Variants in ANO3 observed in about 807,000 individuals in gnomAD.
ANO3 encodes the protein anoctamin-3.
In ANO3, 99 loss-of-function variants were observed where a neutral mutation model predicts 144.8. That is an observed-to-expected ratio of 0.68 (90% confidence interval 0.58 to 0.81). The LOEUF is 0.81. Among genes scored for constraint, ANO3 ranks in the 30% least tolerant of loss-of-function variants. The pLI is 0.00. For missense variants in ANO3, 905 were observed against 1,202.2 expected (o/e 0.75, Z 3.66); for synonymous variants, 414 against 392.6 (o/e 1.05, Z -0.64).
intron 1 of ANO3, among the ~76,000 whole-genome samples, chr11:26,235,443 C>G (rs906314366): frequency 6.6e-6 from 1 of 152,070 alleles, no homozygotes; most frequent in Non-Finnish European, 1.5e-5. Flanking sequence ...AAGATTAAAT[C>G]CAACCTAATG....
At chr11:26,393,358 G>A (rs559886251) in intron 1 of ANO3, among the ~76,000 whole-genome samples, 34 of 152,084 alleles carry the variant, frequency 2.2e-4, no homozygotes, top group Non-Finnish European at 5.0e-4. Context: ...TTGCCATTTT[G>A]TTCTCAAAGA....
Position 26,299,382 on chromosome 11 carries a change from A to T in ANO3, c.155-10263A>T, listed in dbSNP as rs148428536. Among the ~76,000 whole-genome samples, 842 of 152,350 alleles carry T rather than the reference A, an allele frequency of 5.5e-3. 27 individuals are homozygous for T. The highest frequency in any genetic ancestry group is 0.052 in the Admixed American group (801 of 15,298). On this transcript the variant is annotated intron_variant, in intron 1 of 27. Coordinates refer to the ANO3 transcript ENST00000672621. ...CTTTGACAGTCTTAGTGAAGTGATA[A>T]GAGGAAAATAAATAAATACTGTAGA...
chr11:26,424,119 T>C (rs1487189605), intron 1 of ANO3, among the ~76,000 whole-genome samples: 6 of 151,976 alleles, frequency 3.9e-5, no homozygotes, highest in African/African-American at 1.2e-4. Flanking sequence ...CCAACTCGGA[T>C]TGCAGCAATA....
chr11:26,601,819 G>C (rs1851807360), intron 17 of ANO3, among the ~76,000 whole-genome samples: 1 of 152,162 alleles, frequency 6.6e-6, no homozygotes, highest in Non-Finnish European at 1.5e-5. Context: ...CGATTTCTAG[G>C]TCACAGAAGC....
At chr11:26,638,522 G>A (rs1170063086) in intron 20 of ANO3, among the ~76,000 whole-genome samples, 1 of 152,228 alleles carries the variant, frequency 6.6e-6, no homozygotes, top group Non-Finnish European at 1.5e-5. Flanking sequence ...GAGATAGGAA[G>A]AATAAATACC....
chr11:26,638,515 A>G (rs950724296), intron 20 of ANO3, among the ~76,000 whole-genome samples: 1 of 152,230 alleles, frequency 6.6e-6, no homozygotes, highest in African/African-American at 2.4e-5. Context: ...GACTGGGGAG[A>G]TAGGAAGAAT....
intron 1 of ANO3, among the ~76,000 whole-genome samples, chr11:26,252,508 T>G (rs1260343695): frequency 1.3e-5 from 2 of 152,188 alleles, no homozygotes; most frequent in Non-Finnish European, 2.9e-5. Context: ...TTCTCTGGAA[T>G]GCTATTTTCA....
intron 17 of ANO3, among the ~76,000 whole-genome samples, chr11:26,620,834 T>C (rs72879841): frequency 0.086 from 13,102 of 152,230 alleles, 858 homozygotes; most frequent in Admixed American, 0.2. Context: ...TATTATGGAA[T>C]AGGGTGGATC....
chr11:26,294,181 G>A (rs1052063646), intron 1 of ANO3, among the ~76,000 whole-genome samples: 1 of 152,042 alleles, frequency 6.6e-6, no homozygotes, highest in African/African-American at 2.4e-5. Flanking sequence ...TTTTCTTGAG[G>A]GTCAGAAACT....
At chr11:26,372,979 T>C (rs1349088518) in intron 1 of ANO3, among the ~76,000 whole-genome samples, 2 of 152,166 alleles carry the variant, frequency 1.3e-5, no homozygotes, top group Non-Finnish European at 2.9e-5. Context: ...AACATAAAAT[T>C]GATAATAAAC....
intron 26 of ANO3, among the ~76,000 whole-genome samples, chr11:26,659,186 A>ACTTT (rs1450400595): frequency 6.6e-6 from 1 of 151,504 alleles, no homozygotes; most frequent in Non-Finnish European, 1.5e-5. Flanking sequence ...TTCATTTAAT[A>ACTTT]CTTATGCCAA....
Position 26,236,113 on chromosome 11 carries a change from T to G in ANO3, c.154+46783T>G, listed in dbSNP as rs143731036. 1.4e-3 allele frequency among the ~76,000 whole-genome samples: 220 copies of G among 152,324 alleles called. 2 individuals carry two copies. In the Middle Eastern group the frequency reaches 0.031, roughly 21 times the overall value. On this transcript the variant is annotated intron_variant, in intron 1 of 27. Transcript: ENST00000672621. The stretch of plus-strand genomic sequence containing the variant: ...ATTCTGTTTTTACAGGTCCACATTA[T>G]CCCATTCTAAATGTGCATCATAGTT...
chr11:26,531,807 T>C (rs539571062), intron 8 of ANO3, among the ~76,000 whole-genome samples: 26 of 152,212 alleles, frequency 1.7e-4, no homozygotes, highest in Non-Finnish European at 3.1e-4. Flanking sequence ...TTTAAAGAGA[T>C]TTGTTTCATT....
chr11:26,555,690 A>T (rs1352605085), intron 13 of ANO3, among the ~76,000 whole-genome samples: 2 of 152,190 alleles, frequency 1.3e-5, no homozygotes, highest in Non-Finnish European at 2.9e-5. Flanking sequence ...ACTAAGATAA[A>T]ATGTAGCTAC....
At chr11:26,225,389 GA>G (rs1161630160) in intron 1 of ANO3, among the ~76,000 whole-genome samples, 1 of 152,066 alleles carries the variant, frequency 6.6e-6, no homozygotes, top group East Asian at 1.9e-4. Flanking sequence ...TTAGAAAGCT[GA>G]CAATTTGCAC....
chr11:26,546,648 G>A (rs1046658294), intron 11 of ANO3, among the ~76,000 whole-genome samples: 4 of 151,918 alleles, frequency 2.6e-5, no homozygotes, highest in Non-Finnish European at 5.9e-5. Context: ...TGAAGAAAGC[G>A]CAACTGAGTA....
At chr11:26,282,737 A>T (rs1853707942) in intron 1 of ANO3, among the ~76,000 whole-genome samples, 1 of 152,204 alleles carries the variant, frequency 6.6e-6, no homozygotes, top group African/African-American at 2.4e-5. Flanking sequence ...ATCAGGGAAG[A>T]TTCAGGTTTC....
intron 14 of ANO3, among the ~76,000 whole-genome samples, chr11:26,589,415 T>TTC (rs1489186117): frequency 2.0e-5 from 3 of 146,490 alleles, no homozygotes; most frequent in African/African-American, 7.4e-5. Flanking sequence ...CCAATTTTCT[T>TTC]TTTTTTTTTT....
chr11:26,634,093 A>AT, intron 18 of ANO3, 111 bp from the exon 19 acceptor site: 1 of 544,070 alleles, frequency 1.8e-6, no homozygotes, highest in Middle Eastern at 2.9e-4. Flanking sequence ...AAAAAAAAAA[A>AT]AAAAATTAAA....
Sources: gnomAD v4.1 joint callset for allele counts (sites outside exome capture counted in the v4.1 genomes callset) on GRCh38, gnomAD v4.1.1 for gene constraint, MANE v1.5 for transcripts, NCBI Gene and HGNC (gene_info 2026-07-23, HGNC 2026-07-21) for gene names.